Variants in CPSF2 observed in about 807,000 individuals in gnomAD.
The protein encoded by CPSF2 is cleavage and polyadenylation specific factor 2.
A neutral mutation model predicts 84.2 loss-of-function variants in CPSF2; 51 were observed. That is an observed-to-expected ratio of 0.61 (90% CI 0.48 to 0.77). The LOEUF (loss-of-function observed/expected upper bound fraction) is 0.77, where lower values mean the gene tolerates loss of function less well. CPSF2 is among the 30% of genes least tolerant of loss of function. CPSF2 has a pLI of 0.00. For synonymous variants in CPSF2, 286 were observed against 311.9 expected, an observed-to-expected ratio of 0.92 and a Z score of 0.87; for missense variants, 641 against 929.4, an observed-to-expected ratio of 0.69 and a Z score of 4.03.
intron 3 of CPSF2, 141 bp downstream of exon 3, chr14:92,131,274 A>T (rs1248421698): frequency 3.4e-6 from 2 of 592,052 alleles, no homozygotes; most frequent in Non-Finnish European, 5.4e-6. Flanking sequence ...CCAAAAACCT[A>T]TAGTGACATT....
intron 1 of CPSF2, 77 bp downstream of exon 1, chr14:92,122,205 C>G: frequency 3.1e-6 from 1 of 321,054 alleles, no homozygotes; most frequent in South Asian, 2.6e-5. Context: ...AGCACGGGGC[C>G]CCGACTCCGA....
At chr14:92,144,223 G>A (rs1172960323) in intron 9 of CPSF2, among the ~76,000 whole-genome samples, 1 of 152,180 alleles carries the variant, frequency 6.6e-6, no homozygotes, top group African/African-American at 2.4e-5. Context: ...CTTGTGTTCA[G>A]GACTTTATTC....
At chr14:92,151,604 A>G (rs1595063238) in intron 9 of CPSF2, among the ~76,000 whole-genome samples, 1 of 152,202 alleles carries the variant, frequency 6.6e-6, no homozygotes, top group Admixed American at 6.5e-5. Flanking sequence ...CTTTTCAACT[A>G]TACATGCGTA....
intron 6 of CPSF2, 67 bp from the exon 7 acceptor site, chr14:92,138,165 G>A (rs971354053): frequency 5.4e-6 from 4 of 736,072 alleles, no homozygotes; most frequent in Admixed American, 2.9e-5. Context: ...TATTTTTTAA[G>A]TAAGAGAAGC....
At position 92,165,115 on chromosome 14, in the gene CPSF2, G is replaced by A. The variant is rs2069426441; in HGVS notation, c.*3371G>A. 2.6e-5 allele frequency: 4 copies of A among 152,014 alleles called. No individual in the cohort carries two copies. The highest frequency in any genetic ancestry group is 2.6e-4 in the Admixed American group (4 of 15,262). The allele number at this position is 152,014 out of a possible 1,614,324, so 9.4% of individuals were successfully genotyped here. On this transcript the variant is annotated 3_prime_UTR_variant, in exon 16 of 16. Transcript: ENST00000298875. ...TGTAACATGTATCAGTACCCTTTTT[G>A]TGACTGAATATTATTCCACCGAATG...
chr14:92,160,733 G>A (rs2069361268), intron 14 of CPSF2, among the ~76,000 whole-genome samples: 1 of 152,154 alleles, frequency 6.6e-6, no homozygotes, highest in Admixed American at 6.5e-5. Flanking sequence ...AACGTCTTTT[G>A]AAGTAAGCAA....
intron 6 of CPSF2, 27 bp downstream of exon 6, chr14:92,135,523 G>A: frequency 1.3e-6 from 2 of 1,580,524 alleles, no homozygotes; most frequent in African/African-American, 1.4e-5. Flanking sequence ...AAAAGCTAAA[G>A]GCAATGCAAT....
intron 9 of CPSF2, among the ~76,000 whole-genome samples, chr14:92,146,235 T>C (rs1265741711): frequency 6.6e-6 from 1 of 152,038 alleles, no homozygotes; most frequent in Non-Finnish European, 1.5e-5. Flanking sequence ...AAAAAAGAAA[T>C]AGAGGGCTGG....
rs2069484745 is a variant in CPSF2 at position 92,168,967 on chromosome 14, A to T, written c.*7223A>T. ...TCCTACTAAAATTTTTGATAATGATAATTTCAAGTGGAGAATATATAAAGG... is the reference window on the plus strand; with the variant it reads ...TCCTACTAAAATTTTTGATAATGATTATTTCAAGTGGAGAATATATAAAGG... On this transcript the variant is annotated 3_prime_UTR_variant, in exon 16 of 16. Transcript: ENST00000298875. 1 of 152,168 alleles carries T rather than the reference A, an allele frequency of 6.6e-6. No individual in the cohort carries two copies. The highest frequency in any genetic ancestry group is 1.9e-4 in the East Asian group (1 of 5,192). The allele number at this position is 152,168 out of a possible 1,614,324, so 9.4% of individuals were successfully genotyped here. A position where few individuals can be genotyped will look rare whatever the true frequency, so the allele number is the denominator to read the frequency against.
At chr14:92,141,221 G>GT (rs1567020491) in intron 7 of CPSF2, among the ~76,000 whole-genome samples, 1 of 151,790 alleles carries the variant, frequency 6.6e-6, no homozygotes, top group African/African-American at 2.4e-5. Context: ...AAAAATATAA[G>GT]TAAAAAAAAA....
chr14:92,133,945 T>C, intron 3 of CPSF2, 66 bp from the exon 4 acceptor site: 1 of 1,534,242 alleles, frequency 6.5e-7, no homozygotes, highest in Non-Finnish European at 8.9e-7. Flanking sequence ...GGTGAATAAT[T>C]TTGAATATTC....
At chr14:92,139,286 G>A (rs560400752) in intron 7 of CPSF2, among the ~76,000 whole-genome samples, 186 of 151,814 alleles carry the variant, frequency 1.2e-3, no homozygotes, top group Middle Eastern at 6.8e-3. Flanking sequence ...GCGTGGTGGC[G>A]GGTGCATGTA....
chr14:92,162,020 A>G lies in CPSF2; in HGVS notation c.*276A>G. The G allele has an allele frequency of 4.3e-6, 1 of 231,620 alleles. No homozygotes were observed. Among genetic ancestry groups the G allele is most frequent in the Non-Finnish European group, 8.3e-6 (1 of 120,820 alleles). The allele number at this position is 231,620 out of a possible 1,614,324, so 14.3% of individuals were successfully genotyped here. Reference sequence around the variant, plus strand: ...TTTCTTTACAGACTCCTTGTTCTCTAGAAGGGCTTTTTACTTGAATAAAAC... The same window carrying G: ...TTTCTTTACAGACTCCTTGTTCTCTGGAAGGGCTTTTTACTTGAATAAAAC... On this transcript the variant is annotated 3_prime_UTR_variant, in exon 16 of 16. Coordinates refer to ENST00000298875, the MANE Select transcript of CPSF2 (RefSeq NM_017437.3).
rs1359900380 is a variant in CPSF2 at position 92,163,004 on chromosome 14, A to G, written c.*1260A>G. The G allele has an allele frequency of 1.3e-5, 2 of 152,150 alleles. No homozygotes were observed. Among genetic ancestry groups the G allele is most frequent in the Non-Finnish European group, 2.9e-5 (2 of 68,060 alleles). The allele number at this position is 152,150 out of a possible 1,614,324, so 9.4% of individuals were successfully genotyped here. ...CTATAACCTCTTCCTCCAGGGTTCA[A>G]GTGATTCTCCCACCTCAGCCTCCCA... On this transcript the variant is annotated 3_prime_UTR_variant, in exon 16 of 16. Coordinates refer to ENST00000298875, the MANE Select transcript of CPSF2 (RefSeq NM_017437.3).
intron 3 of CPSF2, among the ~76,000 whole-genome samples, chr14:92,132,396 A>G (rs560071878): frequency 6.6e-6 from 1 of 151,628 alleles, no homozygotes; most frequent in Non-Finnish European, 1.5e-5. Context: ...CGGCCTCCCA[A>G]AGTGCTGGGA....
At position 92,130,748 on chromosome 14, in the gene CPSF2, A is replaced by T. The variant is rs118055901; in HGVS notation, c.-34-203A>T. Among the ~76,000 whole-genome samples, 3,733 of 152,260 alleles carry T rather than the reference A, an allele frequency of 0.025. 65 individuals are homozygous for T. The highest frequency in any genetic ancestry group is 0.037 in the Non-Finnish European group (2,546 of 68,016). The stretch of plus-strand genomic sequence containing the variant: ...GTCTAAGATTATCTTTGTGCTTTTA[A>T]ACTTGGCAGTGACTTAATAAACTTG... On this transcript the variant is annotated intron_variant, in intron 2 of 15. Transcript: ENST00000298875.
chr14:92,122,351 C>G (rs1287646322), intron 1 of CPSF2: 1 of 170,434 alleles, frequency 5.9e-6, no homozygotes, highest in Non-Finnish European at 1.3e-5. Context: ...TGCGGCAGCC[C>G]GTACGGTTCC....
In CPSF2 at chr14:92,154,462, A is replaced by T; in HGVS notation, c.1241+4A>T. On this transcript the variant is annotated splice_donor_region_variant and intron_variant, in intron 10 of 15. Transcript: ENST00000298875. ...AAAAGCTTGAGCAGTCAAAAGAGTGAGTCATTTTCAGACAGATTATAAATT... is the reference window on the plus strand; with the variant it reads ...AAAAGCTTGAGCAGTCAAAAGAGTGTGTCATTTTCAGACAGATTATAAATT... 6.4e-7 allele frequency: 1 copy of T among 1,570,198 alleles called. No individual in the cohort carries two copies. Among genetic ancestry groups the T allele is most frequent in the Non-Finnish European group, 8.7e-7 (1 of 1,152,964 alleles).
At chr14:92,142,087 A>G (rs2069085638) in intron 7 of CPSF2, 77 bp from the exon 8 acceptor site, 12 of 1,113,076 alleles carry the variant, frequency 1.1e-5, no homozygotes, top group Non-Finnish European at 1.5e-5. Flanking sequence ...TAATAAAAAC[A>G]GGGAGATAAA....
Sources: allele counts gnomAD v4.1 joint callset (sites outside exome capture counted in the v4.1 genomes callset), GRCh38; gene constraint gnomAD v4.1.1; transcripts MANE v1.5; gene names NCBI Gene and HGNC (gene_info 2026-07-23, HGNC 2026-07-21).